The following NBAS variants were observed in gnomAD, a reference collection of about 807,000 sequenced individuals.
NBAS encodes the protein NAG/BC035112 fusion.
In NBAS, 219 loss-of-function variants were observed where a neutral mutation model predicts 302.5. The ratio of observed to expected loss-of-function variants is 0.72; its 90% CI spans 0.65 to 0.81. NBAS has a LOEUF of 0.81. NBAS is among the 30% of genes least tolerant of loss of function. The pLI, the probability that NBAS is intolerant of heterozygous loss-of-function variation, is 0.00. For missense variants in NBAS, 2,932 were observed against 2,841.6 expected, an observed-to-expected ratio of 1.03 and a Z score of -0.72; for synonymous variants, 1,118 against 1,021.6, an observed-to-expected ratio of 1.09 and a Z score of -1.80.
At chr2:14,800,785 G>GTT in the NBAS span, among the ~76,000 whole-genome samples, 14,683 of 128,896 alleles carry the variant, frequency 0.11, 1,189 homozygotes, top group East Asian at 0.26. Context: ...GATTTAAATT[G>GTT]TTTTTGTTTT....
At chr2:15,313,158 T>C (rs376186954) in intron 38 of NBAS, among the ~76,000 whole-genome samples, 1 of 152,366 alleles carries the variant, frequency 6.6e-6, no homozygotes, top group East Asian at 1.9e-4. Flanking sequence ...CTTTAATTTG[T>C]GGTTTTAATT....
At chr2:14,887,398 T>TTAAAAAAAAAAA in the NBAS span, among the ~76,000 whole-genome samples, 4,117 of 95,190 alleles carry the variant, frequency 0.043, 97 homozygotes, top group Non-Finnish European at 0.055. Flanking sequence ...GTGAGACTCC[T>TTAAAAAAAAAAA]CAAAAAAAAA....
chr2:14,805,439 G>A, the NBAS span, among the ~76,000 whole-genome samples: 2 of 152,088 alleles, frequency 1.3e-5, no homozygotes, highest in African/African-American at 4.8e-5. Flanking sequence ...TTTATTTGCA[G>A]GCAAATAAGA....
the NBAS span, among the ~76,000 whole-genome samples, chr2:15,160,041 A>G: frequency 6.6e-6 from 1 of 152,142 alleles, no homozygotes; most frequent in African/African-American, 2.4e-5. Context: ...GCAGCCACCA[A>G]TCCAGACAGG....
chr2:15,351,870 G>GCACACACACACACACA (rs10605991), intron 35 of NBAS, 122 bp downstream of exon 35: 8 of 701,862 alleles, frequency 1.1e-5, no homozygotes, highest in Middle Eastern at 2.4e-4. Flanking sequence ...TGGTCTGCAT[G>GCACACACACACACACA]CACACACACA....
At chr2:14,974,455 A>G in the NBAS span, among the ~76,000 whole-genome samples, 1 of 152,204 alleles carries the variant, frequency 6.6e-6, no homozygotes. Context: ...AACCAAAAAT[A>G]TTTGCTGCTG....
the NBAS span, among the ~76,000 whole-genome samples, chr2:15,160,617 AG>A: frequency 1.5e-4 from 22 of 147,350 alleles, no homozygotes; most frequent in African/African-American, 5.6e-4. Flanking sequence ...AGGCTGGACC[AG>A]GTGATCCCCC....
intron 35 of NBAS, among the ~76,000 whole-genome samples, chr2:15,338,153 T>G (rs986725542): frequency 6.6e-6 from 1 of 152,222 alleles, no homozygotes; most frequent in African/African-American, 2.4e-5. Flanking sequence ...GGAAGAATTA[T>G]TGTTGGTCAA....
intron 10 of NBAS, among the ~76,000 whole-genome samples, chr2:15,506,202 A>G (rs1157731064): frequency 1.3e-5 from 2 of 152,108 alleles, no homozygotes; most frequent in Admixed American, 6.5e-5. Context: ...AAACCAAAGT[A>G]CAGAATATTT....
At chr2:14,930,141 C>T in the NBAS span, among the ~76,000 whole-genome samples, 1 of 152,208 alleles carries the variant, frequency 6.6e-6, no homozygotes, top group Admixed American at 6.5e-5. Context: ...TACCTAGTCT[C>T]AGATAGTTCT....
chr2:15,017,339 C>T, the NBAS span, among the ~76,000 whole-genome samples: 1 of 151,920 alleles, frequency 6.6e-6, no homozygotes, highest in Non-Finnish European at 1.5e-5. Context: ...AATAAAAAAG[C>T]TTCGTCACAG....
chr2:15,432,015 T>C lies in NBAS; in HGVS notation c.2340-4221A>G, dbSNP rs184461424. ...TAATAAAATTCAGAGAAAACCCTTT[T>C]CATGGATTCGATTCACAATTAAAAT... is the stretch of plus-strand genomic sequence containing the variant. On this transcript the variant is annotated intron_variant, in intron 21 of 51. Coordinates refer to ENST00000281513, the MANE Select transcript of NBAS (RefSeq NM_015909.4). 4.2e-3 allele frequency among the ~76,000 whole-genome samples: 642 copies of C among 152,206 alleles called. 11 individuals carry two copies. Among genetic ancestry groups the C allele is most frequent in the Middle Eastern group, 3.4e-3 (1 of 294 alleles).
chr2:15,145,005 T>C, the NBAS span, among the ~76,000 whole-genome samples: 1 of 151,346 alleles, frequency 6.6e-6, no homozygotes, highest in Non-Finnish European at 1.5e-5. Flanking sequence ...CTATTTGGTG[T>C]AGCTATGAGT....
chr2:15,160,580 G>A, the NBAS span, among the ~76,000 whole-genome samples: 1 of 130,230 alleles, frequency 7.7e-6, no homozygotes, highest in Admixed American at 7.7e-5. Flanking sequence ...AAGTCCCAGT[G>A]TGGGCGGGGG....
chr2:15,353,367 A>G (rs1371747277), intron 34 of NBAS, among the ~76,000 whole-genome samples, 186 bp downstream of exon 34: 1 of 152,120 alleles, frequency 6.6e-6, no homozygotes, highest in Non-Finnish European at 1.5e-5. Context: ...CCTTGCTGTT[A>G]TAAAGCCAGC....
chr2:15,078,773 G>A, the NBAS span, among the ~76,000 whole-genome samples: 2 of 152,162 alleles, frequency 1.3e-5, no homozygotes, highest in Non-Finnish European at 2.9e-5. Context: ...ATAAAAATCA[G>A]TAGTTGGTCC....
chr2:15,035,838 CGGGGTGGGAGAACGAGGCCTGTAG>C, the NBAS span, among the ~76,000 whole-genome samples: 13 of 151,956 alleles, frequency 8.6e-5, no homozygotes, highest in African/African-American at 1.9e-4. Flanking sequence ...GAGGCCTGTC[CGGGGTGGGAGAACGAGGCCTGTAG>C]GGGGTGGGAG....
chr2:15,467,032 C>T (rs1679754579), intron 19 of NBAS, among the ~76,000 whole-genome samples: 1 of 151,224 alleles, frequency 6.6e-6, no homozygotes, highest in Non-Finnish European at 1.5e-5. Flanking sequence ...AAGTTATGTG[C>T]CATTATCTTA....
At chr2:15,041,292 C>T in the NBAS span, among the ~76,000 whole-genome samples, 1 of 152,222 alleles carries the variant, frequency 6.6e-6, no homozygotes, top group Non-Finnish European at 1.5e-5. Flanking sequence ...TCCATGAGAA[C>T]ATCTGAGGTC....
Sources: allele counts gnomAD v4.1 joint callset (sites outside exome capture counted in the v4.1 genomes callset), GRCh38; gene constraint gnomAD v4.1.1; transcripts MANE v1.5; gene names NCBI Gene and HGNC (gene_info 2026-07-23, HGNC 2026-07-21).